The following RABGAP1L variants were observed in gnomAD, a reference collection of about 807,000 sequenced individuals.
RABGAP1L encodes rab GTPase-activating protein 1-like.
A neutral mutation model predicts 137.7 loss-of-function variants in RABGAP1L; 63 were observed. That is an observed-to-expected ratio of 0.46 (90% confidence interval 0.37 to 0.56). The LOEUF is 0.56. RABGAP1L is among the 20% of genes least tolerant of loss of function. RABGAP1L has a pLI of 0.00. For synonymous variants in RABGAP1L, 431 were observed against 433.7 expected (o/e 0.99, Z 0.08); for missense variants, 1,095 against 1,244.0 (o/e 0.88, Z 1.80).
Position 174,747,796 on chromosome 1 carries a change from A to G in RABGAP1L, c.2170-4517A>G, listed in dbSNP as rs140145239. On this transcript the variant is annotated intron_variant, in intron 17 of 25. Transcript: ENST00000681986. The stretch of plus-strand genomic sequence containing the variant: ...TGGATTATCATTATTAATAATGACA[A>G]TTAACAGTAGTTAATAATTAACTAT... 5.1e-3 allele frequency among the ~76,000 whole-genome samples: 773 copies of G among 152,290 alleles called. 10 individuals carry two copies. Among genetic ancestry groups the G allele is most frequent in the Admixed American group, 0.011 (168 of 15,296 alleles).
At chr1:174,739,558 C>T (rs1683217701) in intron 17 of RABGAP1L, among the ~76,000 whole-genome samples, 1 of 152,210 alleles carries the variant, frequency 6.6e-6, no homozygotes, top group African/African-American at 2.4e-5. Flanking sequence ...CCACATTCTA[C>T]TCCTGAGAAA....
intron 15 of RABGAP1L, among the ~76,000 whole-genome samples, chr1:174,697,735 A>G (rs1212547840): frequency 2.0e-5 from 3 of 152,190 alleles, no homozygotes; most frequent in Non-Finnish European, 2.9e-5. Context: ...TATATGTTCA[A>G]GTTAGTGTCA....
Position 174,902,354 on chromosome 1 carries a change from T to C in RABGAP1L, c.2341-55103T>C, listed in dbSNP as rs374502565. Among the ~76,000 whole-genome samples, 24 of 152,316 alleles carry C rather than the reference T, an allele frequency of 1.6e-4. 2 individuals carry two copies. Among genetic ancestry groups the C allele is most frequent in the African/African-American group, 5.3e-4 (22 of 41,572 alleles). On this transcript the variant is annotated intron_variant, in intron 19 of 25. Coordinates refer to ENST00000681986, the MANE Select transcript of RABGAP1L (RefSeq NM_001366446.1). ...CCCAGGAACTCAGAGTTGTCTCTGA[T>C]GGACTCTAATCCACTGCCATTGGCT...
chr1:174,281,084 G>A (rs915628715), intron 10 of RABGAP1L, among the ~76,000 whole-genome samples: 6 of 152,094 alleles, frequency 3.9e-5, no homozygotes, highest in African/African-American at 7.2e-5. Flanking sequence ...AGACCTTCGC[G>A]GTGAGTGTTA....
chr1:174,311,669 C>T (rs1349946717), intron 11 of RABGAP1L, among the ~76,000 whole-genome samples: 2 of 152,088 alleles, frequency 1.3e-5, no homozygotes. Flanking sequence ...TGCAGTGGTG[C>T]GATCTCAGCT....
At chr1:174,915,292 A>T (rs963167855) in intron 19 of RABGAP1L, among the ~76,000 whole-genome samples, 1 of 152,200 alleles carries the variant, frequency 6.6e-6, no homozygotes, top group Non-Finnish European at 1.5e-5. Flanking sequence ...CCCACCAGTT[A>T]TGTATAAGGA....
In RABGAP1L at chr1:174,494,081, G is replaced by A. The variant is rs573888578; in HGVS notation, c.1710+99936G>A. On this transcript the variant is annotated intron_variant, in intron 13 of 25. Transcript: ENST00000681986. ...TTTGGGAGTATATATTTAGAACATC[G>A]TGTATAGTTTTTTAAGAAAGAAAAT... 1.2e-4 allele frequency among the ~76,000 whole-genome samples: 18 copies of A among 152,064 alleles called. 1 individual carries two copies. The highest frequency in any genetic ancestry group is 4.3e-4 in the African/African-American group (18 of 41,472).
intron 13 of RABGAP1L, among the ~76,000 whole-genome samples, chr1:174,550,663 C>G (rs1666361817): frequency 1.3e-5 from 2 of 151,508 alleles, no homozygotes; most frequent in East Asian, 1.9e-4. Flanking sequence ...GATAGAAAGT[C>G]AGCAAGGATA....
chr1:174,482,150 G>A (rs1659162228), intron 13 of RABGAP1L, among the ~76,000 whole-genome samples: 1 of 152,130 alleles, frequency 6.6e-6, no homozygotes, highest in Admixed American at 6.5e-5. Context: ...CAAGGAATGT[G>A]GGAAACCTTT....
intron 14 of RABGAP1L, among the ~76,000 whole-genome samples, chr1:174,638,847 G>A (rs1674286317): frequency 7.0e-6 from 1 of 142,506 alleles, no homozygotes; most frequent in Non-Finnish European, 1.5e-5. Flanking sequence ...GAGATCACAT[G>A]GACACAGGAA....
intron 10 of RABGAP1L, among the ~76,000 whole-genome samples, chr1:174,300,875 A>AGACTCT (rs1322111584): frequency 6.6e-6 from 1 of 152,170 alleles, no homozygotes; most frequent in Non-Finnish European, 1.5e-5. Flanking sequence ...CAAATGAATG[A>AGACTCT]ATGAATGAAT....
At chr1:174,737,025 G>A (rs558940852) in intron 17 of RABGAP1L, among the ~76,000 whole-genome samples, 3 of 152,182 alleles carry the variant, frequency 2.0e-5, no homozygotes, top group East Asian at 1.9e-4. Context: ...GCCCATTGTC[G>A]TGGATATTAG....
intron 19 of RABGAP1L, among the ~76,000 whole-genome samples, chr1:174,823,511 C>T (rs914757919): frequency 2.0e-5 from 3 of 152,170 alleles, no homozygotes; most frequent in Admixed American, 2.0e-4. Context: ...GAAAAGAAAA[C>T]ATTCCTCTGA....
chr1:174,215,457 CA>C (rs776126975), intron 1 of RABGAP1L, among the ~76,000 whole-genome samples: 105 of 121,654 alleles, frequency 8.6e-4, no homozygotes, highest in Middle Eastern at 4.1e-3. Context: ...AACTCCATCT[CA>C]AAAAAAAAAA....
At chr1:174,305,229 C>G in intron 11 of RABGAP1L, 102 bp downstream of exon 11, 3 of 1,235,876 alleles carry the variant, frequency 2.4e-6, no homozygotes, top group Non-Finnish European at 3.2e-6. Context: ...GTGGTTATTC[C>G]TAACCTCTGT....
chr1:174,794,452 T>A (rs912368056), intron 18 of RABGAP1L, among the ~76,000 whole-genome samples: 1 of 152,240 alleles, frequency 6.6e-6, no homozygotes, highest in African/African-American at 2.4e-5. Context: ...GCACCTACCA[T>A]GTGCTAGGCT....
At chr1:174,713,585 C>T (rs1680761858) in intron 17 of RABGAP1L, among the ~76,000 whole-genome samples, 1 of 152,184 alleles carries the variant, frequency 6.6e-6, no homozygotes, top group Admixed American at 6.5e-5. Flanking sequence ...TACTCTCTCA[C>T]TGTATGATGT....
chr1:174,265,073 G>A (rs1026475676), intron 7 of RABGAP1L, among the ~76,000 whole-genome samples: 1 of 152,148 alleles, frequency 6.6e-6, no homozygotes, highest in Non-Finnish European at 1.5e-5. Flanking sequence ...GGAGAAAAAT[G>A]GACTTTTGTT....
At chr1:174,389,886 G>A (rs879800641) in intron 12 of RABGAP1L, among the ~76,000 whole-genome samples, 3 of 152,028 alleles carry the variant, frequency 2.0e-5, no homozygotes, top group African/African-American at 7.2e-5. Flanking sequence ...AAAAATAATT[G>A]TATTAGGTAT....
Sources: gnomAD v4.1 joint callset for allele counts (sites outside exome capture counted in the v4.1 genomes callset) on GRCh38, gnomAD v4.1.1 for gene constraint, MANE v1.5 for transcripts, NCBI Gene and HGNC (gene_info 2026-07-23, HGNC 2026-07-21) for gene names.